The following SLC20A2 variants were observed in gnomAD, a reference collection of about 807,000 sequenced individuals.
The protein encoded by SLC20A2 is solute carrier family 20 member 2, also known as sodium-dependent phosphate transporter 2.
A neutral mutation model predicts 61.0 loss-of-function variants in SLC20A2; 30 were observed. The ratio of observed to expected loss-of-function variants is 0.49; its 90% CI spans 0.37 to 0.67. The LOEUF (loss-of-function observed/expected upper bound fraction) is 0.67, where lower values mean the gene tolerates loss of function less well. SLC20A2 is among the 30% of genes least tolerant of loss of function. The probability of loss-of-function intolerance (pLI) is 0.00; values close to 1 mark genes in which losing one functional copy is unlikely to be tolerated. For synonymous variants in SLC20A2, 351 were observed against 353.3 expected, an observed-to-expected ratio of 0.99 and a Z score of 0.07; for missense variants, 626 against 866.4, an observed-to-expected ratio of 0.72 and a Z score of 3.48.
In SLC20A2 at chr8:42,417,798, A is replaced by T. The variant is rs768603900; in HGVS notation, c.*5T>A. On this transcript the variant is annotated 3_prime_UTR_variant, in exon 11 of 11. Coordinates refer to ENST00000520262, the MANE Select transcript of SLC20A2 (RefSeq NM_001257180.2). ...TTTAGCTGTTTGCAGCTGGAAGAAG[A>T]CAAATCACACATATGGAAGGATCCC... 6.2e-7 allele frequency: 1 copy of T among 1,613,832 alleles called. No homozygotes were observed. The highest frequency in any genetic ancestry group is 1.1e-5 in the South Asian group (1 of 91,066).
At chr8:42,517,582 A>G (rs1461442897) in intron 1 of SLC20A2, among the ~76,000 whole-genome samples, 8 of 152,140 alleles carry the variant, frequency 5.3e-5, no homozygotes, top group Non-Finnish European at 1.0e-4. Flanking sequence ...TTTGCCATCA[A>G]TACCATGTGG....
chr8:42,477,468 T>C (rs1310961079), intron 1 of SLC20A2, among the ~76,000 whole-genome samples: 3 of 140,802 alleles, frequency 2.1e-5, no homozygotes, highest in African/African-American at 8.1e-5. Flanking sequence ...CAGGGACTTT[T>C]TTTTTTTTTT....
chr8:42,436,074 C>A (rs530010633), intron 8 of SLC20A2, among the ~76,000 whole-genome samples: 1 of 152,084 alleles, frequency 6.6e-6, no homozygotes, highest in Admixed American at 6.5e-5. Context: ...TGAGATTGCG[C>A]CACTGCACTC....
chr8:42,470,847 G>A (rs892010526), intron 2 of SLC20A2, among the ~76,000 whole-genome samples: 3 of 151,812 alleles, frequency 2.0e-5, no homozygotes, highest in Non-Finnish European at 4.4e-5. Context: ...GGTGGCACAC[G>A]CCTTTAGTCT....
chr8:42,427,486 C>T (rs975796006), intron 10 of SLC20A2, among the ~76,000 whole-genome samples: 89 of 152,194 alleles, frequency 5.8e-4, no homozygotes, highest in African/African-American at 2.1e-3. Flanking sequence ...CACAGGCTTG[C>T]TGTGGAGAGG....
chr8:42,491,156 T>G (rs571902655), intron 1 of SLC20A2, among the ~76,000 whole-genome samples: 3 of 152,210 alleles, frequency 2.0e-5, no homozygotes, highest in African/African-American at 7.2e-5. Context: ...TCCCAGCACT[T>G]TGGGAGGCCG....
rs932298562 is a variant in SLC20A2, at chr8:42,521,559, C to T, written c.-265+20262G>A. 4.6e-3 allele frequency among the ~76,000 whole-genome samples: 548 copies of T among 120,324 alleles called. 71 individuals carry two copies. The highest frequency in any genetic ancestry group is 0.013 in the African/African-American group (500 of 39,312). 78.9% of individuals were successfully genotyped at this position (120,324 alleles called of 152,430 possible). A position where few individuals can be genotyped will look rare whatever the true frequency, so the allele number is the denominator to read the frequency against. The stretch of plus-strand genomic sequence containing the variant: ...GGCTACAGTACAATGGCACCATCAT[C>T]GCTCACTGCAGCCTCAACCTCCTGG... On this transcript the variant is annotated intron_variant, in intron 1 of 10. Coordinates refer to the SLC20A2 transcript ENST00000342228.
chr8:42,539,129 A>G (rs1169213279), intron 1 of SLC20A2, among the ~76,000 whole-genome samples: 1 of 152,210 alleles, frequency 6.6e-6, no homozygotes, highest in Non-Finnish European at 1.5e-5. Flanking sequence ...CCTTTAAGTA[A>G]AGAAACCCTC....
chr8:42,538,534 A>G (rs751016312), intron 1 of SLC20A2, among the ~76,000 whole-genome samples: 1 of 152,194 alleles, frequency 6.6e-6, no homozygotes, highest in Non-Finnish European at 1.5e-5. Context: ...GATCTTCACT[A>G]GTGGAAAGTG....
chr8:42,473,038 T>C (rs1807772669), intron 1 of SLC20A2, among the ~76,000 whole-genome samples: 1 of 152,230 alleles, frequency 6.6e-6, no homozygotes, highest in African/African-American at 2.4e-5. Flanking sequence ...ATGTGGAATG[T>C]GTCCAGTTTC....
intron 1 of SLC20A2, among the ~76,000 whole-genome samples, chr8:42,517,675 C>T (rs1811398560): frequency 6.6e-6 from 1 of 152,134 alleles, no homozygotes; most frequent in Admixed American, 6.5e-5. Context: ...GGAAAACATT[C>T]TGGTTGCCAG....
chr8:42,427,310 G>A (rs930229549), intron 10 of SLC20A2, among the ~76,000 whole-genome samples: 9 of 152,248 alleles, frequency 5.9e-5, no homozygotes, highest in South Asian at 2.1e-4. Flanking sequence ...GCCATGGTCG[G>A]GCACCACAAT....
chr8:42,441,300 A>G (rs1804764197), intron 6 of SLC20A2, among the ~76,000 whole-genome samples: 1 of 151,382 alleles, frequency 6.6e-6, no homozygotes, highest in Non-Finnish European at 1.5e-5. Context: ...GATTAGAGGC[A>G]CCCACCACCA....
chr8:42,497,293 ATTTTATAATACCCTCCATC>A (rs1265917505), intron 1 of SLC20A2, among the ~76,000 whole-genome samples: 1 of 152,198 alleles, frequency 6.6e-6, no homozygotes, highest in Non-Finnish European at 1.5e-5. Flanking sequence ...CAGATTGCCC[ATTTTATAATACCCTCCATC>A]TTTGCATCTC....
chr8:42,487,166 T>C (rs1379550593), intron 1 of SLC20A2, among the ~76,000 whole-genome samples: 1 of 125,094 alleles, frequency 8.0e-6, no homozygotes, highest in Non-Finnish European at 1.6e-5. Context: ...TGCTTGGCCA[T>C]GGTTTCTTTC....
intron 1 of SLC20A2, among the ~76,000 whole-genome samples, chr8:42,514,553 T>A (rs1811211423): frequency 6.6e-6 from 1 of 151,572 alleles, no homozygotes. Context: ...AGGTCAGGAG[T>A]TAGAGACCAG....
At chr8:42,438,075 A>AC (rs1318680205) in intron 7 of SLC20A2, among the ~76,000 whole-genome samples, 29 of 144,430 alleles carry the variant, frequency 2.0e-4, no homozygotes, top group Non-Finnish European at 3.5e-4. Context: ...AAAAAAAAAA[A>AC]AAAAAAAAAA....
At chr8:42,518,273 T>A (rs1355365289) in intron 1 of SLC20A2, among the ~76,000 whole-genome samples, 1 of 152,218 alleles carries the variant, frequency 6.6e-6, no homozygotes, top group Admixed American at 6.5e-5. Context: ...ATCCTGAATG[T>A]CCCTTCAATG....
chr8:42,418,031 A>C, intron 10 of SLC20A2, 64 bp from the exon 11 acceptor site: 1 of 1,378,018 alleles, frequency 7.3e-7, no homozygotes, highest in Non-Finnish European at 1.0e-6. Context: ...CTACCAATGT[A>C]CATGGGCTAA....
Sources: gnomAD v4.1 joint callset for allele counts (sites outside exome capture counted in the v4.1 genomes callset) on GRCh38, gnomAD v4.1.1 for gene constraint, MANE v1.5 for transcripts, NCBI Gene and HGNC (gene_info 2026-07-23, HGNC 2026-07-21) for gene names.